The following P3H2 variants were observed in gnomAD, a reference collection of about 807,000 sequenced individuals.
The protein encoded by P3H2 is leprecan-like 1.
Under a neutral mutation model 87.0 loss-of-function variants are expected in P3H2, and 80 were observed. That is an observed-to-expected ratio of 0.92 (90% CI 0.77 to 1.11). The LOEUF (loss-of-function observed/expected upper bound fraction) is 1.11, where lower values mean the gene tolerates loss of function less well. P3H2 is among the 50% of genes least tolerant of loss of function. The pLI, the probability that P3H2 is intolerant of heterozygous loss-of-function variation, is 0.00. For missense variants in P3H2, 1,001 were observed against 923.9 expected (o/e 1.08, Z -1.08); for synonymous variants, 367 against 359.3 (o/e 1.02, Z -0.24).
At chr3:190,093,142 A>G (rs1727468340) in intron 1 of P3H2, among the ~76,000 whole-genome samples, 1 of 152,204 alleles carries the variant, frequency 6.6e-6, no homozygotes, top group South Asian at 2.1e-4. Context: ...AAATAATACT[A>G]AGCAACGATA....
chr3:189,969,927 G>C, intron 13 of P3H2: 1 of 789,692 alleles, frequency 1.3e-6, no homozygotes, highest in Non-Finnish European at 2.3e-6. Flanking sequence ...GTGGGCCAAA[G>C]AGCGGCAGCA....
intron 1 of P3H2, among the ~76,000 whole-genome samples, chr3:190,092,486 T>C (rs888321568): frequency 7.9e-5 from 12 of 152,192 alleles, no homozygotes; most frequent in African/African-American, 2.9e-4. Context: ...GAAAATACTC[T>C]CATTAGGAGC....
chr3:189,968,212 C>T (rs966362262), intron 13 of P3H2, among the ~76,000 whole-genome samples: 4 of 152,014 alleles, frequency 2.6e-5, no homozygotes, highest in African/African-American at 7.3e-5. Context: ...TTGCTGCACC[C>T]CATCAAACCA....
At chr3:189,973,511 CTTTTTTTTTTTTTT>C (rs869099221) in intron 10 of P3H2, among the ~76,000 whole-genome samples, 4 of 35,468 alleles carry the variant, frequency 1.1e-4, no homozygotes, top group South Asian at 1.9e-3. Context: ...TTCTTTCTTT[CTTTTTTTTTTTTTT>C]TTTTTTTTTT....
At chr3:190,091,576 C>T (rs751604476) in intron 1 of P3H2, among the ~76,000 whole-genome samples, 1 of 152,158 alleles carries the variant, frequency 6.6e-6, no homozygotes, top group Non-Finnish European at 1.5e-5. Flanking sequence ...AGAAAGTTTT[C>T]TTTATAAATA....
intron 1 of P3H2, among the ~76,000 whole-genome samples, chr3:190,093,822 A>G (rs1727488725): frequency 6.6e-6 from 1 of 152,214 alleles, no homozygotes; most frequent in Non-Finnish European, 1.5e-5. Context: ...AAGTTTTAGA[A>G]AAATTCACCA....
chr3:190,102,638 C>T (rs540843509), intron 1 of P3H2, among the ~76,000 whole-genome samples: 3 of 151,798 alleles, frequency 2.0e-5, no homozygotes, highest in South Asian at 2.1e-4. Flanking sequence ...GAAACTACTC[C>T]TGGTGAAGAT....
chr3:189,969,519 C>G (rs921151129), intron 13 of P3H2: 20 of 1,167,720 alleles, frequency 1.7e-5, no homozygotes, highest in Non-Finnish European at 2.5e-5. Flanking sequence ...CTGGTCCTGT[C>G]AATGAACTGA....
chr3:189,957,090 G>A lies in P3H2; in HGVS notation c.*822C>T, dbSNP rs573406956. On this transcript the variant is annotated 3_prime_UTR_variant, in exon 15 of 15. Transcript: ENST00000319332. ...TTCCAGTGTAAGTTTATTGTCTGGC[G>A]AAAACACCAGAGCCAAAAATTCCAC... 70 of 398,550 alleles carry A rather than the reference G, an allele frequency of 1.8e-4. No homozygotes were observed. The highest frequency in any genetic ancestry group is 2.7e-4 in the Non-Finnish European group (62 of 226,094). The allele number at this position is 398,550 out of a possible 1,614,324, so 24.7% of individuals were successfully genotyped here. A position where few individuals can be genotyped will look rare whatever the true frequency, so the allele number is the denominator to read the frequency against.
chr3:189,965,723 C>G lies in P3H2; in HGVS notation c.1894-1625G>C, dbSNP rs180827677. On this transcript the variant is annotated intron_variant, in intron 13 of 14. Transcript: ENST00000319332. The stretch of plus-strand genomic sequence containing the variant: ...TTCTGAGGCCGGGCGTGGTGGCTCA[C>G]GCCTATAATCCCAGCACTTTAGGAG... Among the ~76,000 whole-genome samples, 164 of 152,174 alleles carry G rather than the reference C, an allele frequency of 1.1e-3. 2 individuals are homozygous for G. The highest frequency in any genetic ancestry group is 3.4e-3 in the Middle Eastern group (1 of 294).
intron 8 of P3H2, 109 bp from the exon 9 acceptor site, chr3:189,974,794 GA>G (rs1723300031): frequency 6.1e-6 from 8 of 1,321,028 alleles, no homozygotes; most frequent in African/African-American, 1.4e-5. Context: ...ATTTCTTCAT[GA>G]ATATTTAGAA....
intron 1 of P3H2, among the ~76,000 whole-genome samples, chr3:190,011,979 T>C (rs1212876671): frequency 6.6e-6 from 1 of 152,186 alleles, no homozygotes; most frequent in Non-Finnish European, 1.5e-5. Flanking sequence ...TCTTGTTTTC[T>C]AATTTTAAAA....
chr3:190,098,805 G>C (rs1577323145), intron 1 of P3H2, among the ~76,000 whole-genome samples: 1 of 152,106 alleles, frequency 6.6e-6, no homozygotes, highest in Non-Finnish European at 1.5e-5. Context: ...TAAAATGCAA[G>C]TTTAATTATG....
intron 1 of P3H2, among the ~76,000 whole-genome samples, chr3:190,090,772 G>A (rs1013565404): frequency 6.6e-6 from 1 of 151,978 alleles, no homozygotes; most frequent in Non-Finnish European, 1.5e-5. Flanking sequence ...TTCTTCACCA[G>A]GCACTTGAAC....
intron 1 of P3H2, among the ~76,000 whole-genome samples, chr3:190,002,503 C>A (rs1724248587): frequency 2.0e-5 from 3 of 151,528 alleles, no homozygotes; most frequent in Admixed American, 1.3e-4. Context: ...TGGGTTCGAG[C>A]AATTCTCCTG....
chr3:190,101,841 A>C (rs1711638467), intron 1 of P3H2, among the ~76,000 whole-genome samples: 1 of 152,342 alleles, frequency 6.6e-6, no homozygotes, highest in Non-Finnish European at 1.5e-5. Flanking sequence ...AGAAAATGTT[A>C]ATGCCGGATG....
At chr3:190,079,715 C>T (rs1177687197) in intron 1 of P3H2, among the ~76,000 whole-genome samples, 1 of 152,108 alleles carries the variant, frequency 6.6e-6, no homozygotes, top group East Asian at 1.9e-4. Flanking sequence ...AATGCATTAG[C>T]CATTGAACCT....
chr3:190,065,687 C>T (rs111980087), intron 1 of P3H2, among the ~76,000 whole-genome samples: 19 of 152,146 alleles, frequency 1.2e-4, no homozygotes, highest in South Asian at 1.0e-3. Context: ...ATGTCCTACA[C>T]GTATTTGGTC....
At chr3:189,976,230 C>T (rs867236804) in intron 8 of P3H2, among the ~76,000 whole-genome samples, 1 of 152,184 alleles carries the variant, frequency 6.6e-6, no homozygotes, top group African/African-American at 2.4e-5. Context: ...TCTTAATGTA[C>T]CACGATTAAT....
Sources: gnomAD v4.1 joint callset for allele counts (sites outside exome capture counted in the v4.1 genomes callset) on GRCh38, gnomAD v4.1.1 for gene constraint, MANE v1.5 for transcripts, NCBI Gene and HGNC (gene_info 2026-07-23, HGNC 2026-07-21) for gene names.